Variants in PAX2 observed in about 807,000 individuals in gnomAD.
The protein encoded by PAX2 is paired box 2.
Under a neutral mutation model 41.7 loss-of-function variants are expected in PAX2, and 9 were observed. The observed-to-expected ratio is 0.22, with a 90% CI of 0.13 to 0.38. The LOEUF (loss-of-function observed/expected upper bound fraction) is 0.38. Among genes scored for constraint, PAX2 ranks in the 10% least tolerant of loss-of-function variants. The probability of loss-of-function intolerance (pLI) is 1.00; values close to 1 mark genes in which losing one functional copy is unlikely to be tolerated. For missense variants in PAX2, 418 were observed against 531.6 expected (o/e 0.79, Z 2.10); for synonymous variants, 221 against 212.7 (o/e 1.04, Z -0.34).
intron 3 of PAX2, among the ~76,000 whole-genome samples, chr10:100,762,306 G>C (rs187478646): frequency 6.6e-6 from 1 of 152,228 alleles, no homozygotes; most frequent in Admixed American, 6.5e-5. Context: ...GTTTCACTGG[G>C]CTCTTCCTGC....
intron 1 of PAX2, among the ~76,000 whole-genome samples, chr10:100,737,212 A>T (rs1234486502): frequency 6.6e-6 from 1 of 152,174 alleles, no homozygotes; most frequent in Non-Finnish European, 1.5e-5. Flanking sequence ...CAGTCCCAGC[A>T]AGTCTCCCAG....
At position 100,748,406 on chromosome 10, in the gene PAX2, A is replaced by T. The variant is rs1256751850; in HGVS notation, c.44-1340A>T. ...ATCAGAGGTCTTTCCCCAGGGTTTC[A>T]CCGAGCTTGCTCTAGGTACCCCCCG... On this transcript the variant is annotated intron_variant, in intron 1 of 9. Transcript: ENST00000355243. This position sits in a 1 kb window ranked among gnomAD's most constrained non-coding sequence, Gnocchi z 5.0. The T allele has an allele frequency of 6.1e-6, 6 of 984,706 alleles. No homozygotes were observed. Among genetic ancestry groups the T allele is most frequent in the Middle Eastern group, 5.2e-4 (1 of 1,914 alleles). 61.0% of individuals were successfully genotyped at this position (984,706 alleles called of 1,614,324 possible). A position where few individuals can be genotyped will look rare whatever the true frequency, so the allele number is the denominator to read the frequency against.
chr10:100,826,962 G>T lies in PAX2; in HGVS notation c.1022-47G>T. On this transcript the variant is annotated intron_variant, in intron 8 of 9. Transcript: ENST00000355243. The surrounding 1 kb of genome is among the most constrained non-coding windows in gnomAD (Gnocchi z 5.5). ...GCCACCGGCCGGACTCGTGGGGTCCGCCCTGGCTTGCAGGCGTCTGATCCC... is the reference window on the plus strand; with the variant it reads ...GCCACCGGCCGGACTCGTGGGGTCCTCCCTGGCTTGCAGGCGTCTGATCCC... The T allele has an allele frequency of 1.5e-6, 2 of 1,351,320 alleles. No individual in the cohort carries two copies. Among genetic ancestry groups the T allele is most frequent in the East Asian group, 4.6e-5 (2 of 43,294 alleles). 83.7% of individuals were successfully genotyped at this position (1,351,320 alleles called of 1,614,324 possible). A position where few individuals can be genotyped will look rare whatever the true frequency, so the allele number is the denominator to read the frequency against.
intron 5 of PAX2, among the ~76,000 whole-genome samples, chr10:100,786,559 G>A (rs1483116413): frequency 1.3e-5 from 2 of 152,206 alleles, no homozygotes; most frequent in Non-Finnish European, 2.9e-5. Flanking sequence ...ATAAGGGGAT[G>A]GGAATGTCAT....
At position 100,824,071 on chromosome 10, in the gene PAX2, C is replaced by A. The variant is rs1375620597; in HGVS notation, c.920-577C>A. Among the ~76,000 whole-genome samples the A allele has an allele frequency of 6.6e-6, 1 of 152,062 alleles. No homozygotes were observed. Among genetic ancestry groups the A allele is most frequent in the African/African-American group, 2.4e-5 (1 of 41,370 alleles). On this transcript the variant is annotated intron_variant, in intron 7 of 9. Transcript: ENST00000355243. The surrounding 1 kb of genome is among the most constrained non-coding windows in gnomAD (Gnocchi z 6.6). ...AACAGCAAAATAGCCCACTGGCTGCCCCCCTGCTCTCCACACCTGCCAGGA... is the reference window on the plus strand; with the variant it reads ...AACAGCAAAATAGCCCACTGGCTGCACCCCTGCTCTCCACACCTGCCAGGA...
rs531736470 is a variant in PAX2 at position 100,805,160 on chromosome 10, T to C, written c.617-1270T>C. 3.9e-5 allele frequency among the ~76,000 whole-genome samples: 6 copies of C among 152,210 alleles called. No individual in the cohort carries two copies. In the East Asian group the frequency reaches 1.2e-3, roughly 29 times the overall value. On this transcript the variant is annotated intron_variant, in intron 5 of 9. Transcript: ENST00000355243. ...AGGAAAGCAAACCCCATGCTCGGTC[T>C]GGGAGGCCAGCAAGGGAGGATGGCT... is the stretch of plus-strand genomic sequence containing the variant.
At chr10:100,740,336 G>C (rs1278765168) in intron 1 of PAX2, among the ~76,000 whole-genome samples, 4 of 152,108 alleles carry the variant, frequency 2.6e-5, no homozygotes, top group Non-Finnish European at 5.9e-5. Flanking sequence ...AGTTGGGAGG[G>C]GGGTGCAGGA....
chr10:100,756,865 T>C (rs1310055941), intron 3 of PAX2, among the ~76,000 whole-genome samples: 2 of 152,182 alleles, frequency 1.3e-5, no homozygotes, highest in African/African-American at 4.8e-5. Context: ...CAGGTGCAGC[T>C]ATCCCCAGTG....
Position 100,750,642 on chromosome 10 carries a change from CT to C in PAX2, c.213-51del, listed in dbSNP as rs1845405632. On this transcript the variant is annotated intron_variant, in intron 2 of 9. Coordinates refer to ENST00000355243, the MANE Select transcript of PAX2 (RefSeq NM_000278.5). This position sits in a 1 kb window ranked among gnomAD's most constrained non-coding sequence, Gnocchi z 4.1. The stretch of plus-strand genomic sequence containing the variant: ...AGCAGCTCTGGAACCTGCAGCCCCC[CT>C]GCCCCGCCACAGTCCGCTTCTGGCT... 1 of 1,525,248 alleles carries C rather than the reference CT, an allele frequency of 6.6e-7. No individual in the cohort carries two copies. The highest frequency in any genetic ancestry group is 1.1e-5 in the South Asian group (1 of 88,812). The allele number at this position is 1,525,248 out of a possible 1,614,324, so 94.5% of individuals were successfully genotyped here.
intron 3 of PAX2, among the ~76,000 whole-genome samples, chr10:100,760,076 G>A (rs1171810789): frequency 2.0e-5 from 3 of 152,184 alleles, no homozygotes; most frequent in Non-Finnish European, 4.4e-5. Flanking sequence ...GCCTTAGTGC[G>A]TTTTCCCAAG....
intron 5 of PAX2, among the ~76,000 whole-genome samples, chr10:100,782,520 A>C (rs962397833): frequency 1.3e-5 from 2 of 152,254 alleles, no homozygotes; most frequent in Non-Finnish European, 2.9e-5. Flanking sequence ...AAGATCCCCC[A>C]GCCTAGGCTG....
upstream of PAX2, among the ~76,000 whole-genome samples, chr10:100,743,390 C>T (rs1410932483): frequency 6.6e-6 from 1 of 151,748 alleles, no homozygotes; most frequent in Non-Finnish European, 1.5e-5. Context: ...AGGGACATGT[C>T]TAGCTGGTTC....
At chr10:100,749,987 G>A in intron 2 of PAX2, 73 bp downstream of exon 2, 2 of 1,539,972 alleles carry the variant, frequency 1.3e-6, no homozygotes, top group Non-Finnish European at 1.8e-6. Context: ...CCAGCTGGAG[G>A]ACGTGGCTAA....
chr10:100,798,182 C>A (rs555434280), intron 5 of PAX2, among the ~76,000 whole-genome samples: 1 of 140,706 alleles, frequency 7.1e-6, no homozygotes, highest in Non-Finnish European at 1.5e-5. Context: ...GTGGCATGAT[C>A]TCAACTCACT....
At chr10:100,749,568 T>C (rs756797477) in intron 1 of PAX2, 178 bp from the exon 2 acceptor site, 128 of 1,406,296 alleles carry the variant, frequency 9.1e-5, no homozygotes, top group Non-Finnish European at 1.2e-4. Flanking sequence ...CCAGCGTCTG[T>C]GCTTCCAGTC....
At chr10:100,747,053 C>T (rs1845209756) in intron 1 of PAX2, 1 of 152,282 alleles carries the variant, frequency 6.6e-6, no homozygotes, top group Admixed American at 6.5e-5. Context: ...CTGCCTCTGC[C>T]TGGGGGATGC....
rs182930122 is a variant in PAX2 at position 100,762,295 on chromosome 10, G to A, written c.410+11404G>A. ...GAGGGTCATCTGCTGTCCACACCGG[G>A]GTTTCACTGGGCTCTTCCTGCCAGT... On this transcript the variant is annotated intron_variant, in intron 3 of 9. Coordinates refer to ENST00000355243, the MANE Select transcript of PAX2 (RefSeq NM_000278.5). Among the ~76,000 whole-genome samples, 4 of 152,234 alleles carry A rather than the reference G, an allele frequency of 2.6e-5. No individual in the cohort carries two copies. In the East Asian group the frequency reaches 7.7e-4, roughly 29 times the overall value.
In PAX2 at chr10:100,827,686, C is replaced by G. The variant is rs1343664553; in HGVS notation, c.*67C>G. ...GCCTCCACATCGTCCCCGTCTGACC[C>G]CACCCCGGAGGGAGGGAGGACCGAC... is the stretch of plus-strand genomic sequence containing the variant. On this transcript the variant is annotated 3_prime_UTR_variant, in exon 10 of 10. Transcript: ENST00000355243. This position sits in a 1 kb window ranked among gnomAD's most constrained non-coding sequence, Gnocchi z 8.5. The G allele has an allele frequency of 2.5e-6, 4 of 1,612,900 alleles. No individual in the cohort carries two copies. The highest frequency in any genetic ancestry group is 2.5e-6 in the Non-Finnish European group (3 of 1,179,674).
At chr10:100,756,822 C>G (rs1177838549) in intron 3 of PAX2, among the ~76,000 whole-genome samples, 1 of 152,168 alleles carries the variant, frequency 6.6e-6, no homozygotes, top group Non-Finnish European at 1.5e-5. Context: ...AGCCAGGTGT[C>G]CAGAGCTCAG....
Sources: gnomAD v4.1 joint callset for allele counts (sites outside exome capture counted in the v4.1 genomes callset) on GRCh38, gnomAD v4.1.1 for gene constraint, Gnocchi (gnomAD v3.1) non-coding constraint, MANE v1.5 for transcripts, NCBI Gene and HGNC (gene_info 2026-07-23, HGNC 2026-07-21) for gene names.